The following TTN variants were observed in gnomAD, a reference collection of about 807,000 sequenced individuals.
TTN encodes the protein titin.
TTN carries 1,525 observed loss-of-function variants against 3,223.0 expected under a neutral mutation model. The observed-to-expected ratio is 0.47, with a 90% confidence interval of 0.45 to 0.49. The LOEUF is 0.49. Among genes scored for constraint, TTN ranks in the 20% least tolerant of loss-of-function variants. The pLI is 0.00. For synonymous variants in TTN, 14,094 were observed against 15,161.0 expected (o/e 0.93, Z 5.17); for missense variants, 40,786 against 43,424.0 (o/e 0.94, Z 5.40).
At chr2:178,802,108 C>T in intron 3 of TTN, 30 bp downstream of exon 3, 4 of 1,613,576 alleles carry the variant, frequency 2.5e-6, no homozygotes, top group Non-Finnish European at 3.4e-6. Context: ...TCTGGGGGAG[C>T]AGAGGATTGG....
At chr2:178,704,082 G>A (rs902359200) in intron 106 of TTN, 65 bp downstream of exon 106, 1 of 1,562,746 alleles carries the variant, frequency 6.4e-7, no homozygotes, top group African/African-American at 1.3e-5. Context: ...GGTTGCAGGG[G>A]TCCTGCACAA....
rs1202031815 is a variant in TTN at position 178,532,954 on chromosome 2, T to C, written c.103661A>G (p.Glu34554Gly). ...GAACTGCTTGATGCGTTGGTCTTCT[T>C]CTATGGTAGTCTGCTTATACTTGCG... ...EPRKYKQTTI[E>G]EDQRIKQFVP... The change falls in exon 358 of 363, where the codon GAA becomes GGA. Residue 34554 changes from glutamate (E) to glycine (G), a missense_variant. Physicochemically the swap from Glu to Gly is moderately conservative, Grantham distance 98. Transcript: ENST00000589042. 6.2e-7 allele frequency: 1 copy of C among 1,613,794 alleles called. No homozygotes were observed. The highest frequency in any genetic ancestry group is 1.3e-5 in the African/African-American group (1 of 74,900).
intron 316 of TTN, 49 bp from the exon 317 acceptor site, chr2:178,580,658 G>A (rs1336467072): frequency 6.5e-7 from 1 of 1,535,528 alleles, no homozygotes; most frequent in African/African-American, 1.4e-5. Flanking sequence ...ATAGTCAAAT[G>A]TATTTCCAGG....
intron 308 of TTN, among the ~76,000 whole-genome samples, chr2:178,586,043 T>C (rs1289261068): frequency 2.0e-5 from 3 of 152,132 alleles, no homozygotes; most frequent in African/African-American, 7.2e-5. Context: ...GTTGAACTAA[T>C]TTACACTCCC....
intron 294 of TTN, 41 bp downstream of exon 294, chr2:178,597,497 G>T (rs770972387): frequency 1.3e-6 from 2 of 1,574,396 alleles, no homozygotes; most frequent in East Asian, 2.3e-5. Context: ...TAATAAGAAT[G>T]TTGGTTTAAA....
rs1306264861 is a variant in TTN, at chr2:178,581,533, A to C, written c.66735T>G (p.Asp22245Glu). The C allele has an allele frequency of 4.4e-6, 7 of 1,607,332 alleles. No homozygotes were observed. Among genetic ancestry groups the C allele is most frequent in the Non-Finnish European group, 6.0e-6 (7 of 1,175,086 alleles). The change falls in exon 316 of 363, where the codon GAT (aspartate) becomes GAG (glutamate). Residue 22245 changes from aspartate to glutamate, a missense_variant. Transcript: ENST00000589042. ...CCTTGGGATAGTGTTTATCTGGCAC[A>C]TCACTGGGGTCACTGTATCCAATCT... The part of the protein sequence containing the change: ...VNKIGYSDPS[D>E]VPDKHYPKDI...
chr2:178,596,552 C>T (rs1267753141), intron 294 of TTN, among the ~76,000 whole-genome samples: 3 of 151,956 alleles, frequency 2.0e-5, no homozygotes, highest in Non-Finnish European at 4.4e-5. Flanking sequence ...GCATAGGAGG[C>T]CCCAAATTTC....
chr2:178,534,784 T>C lies in TTN; in HGVS notation c.101831A>G (p.Asn33944Ser), dbSNP rs2154136201. Residue 33944 changes from asparagine to serine, a missense_variant, in exon 358 of 363, where the codon AAT (asparagine) becomes AGT (serine). Transcript: ENST00000589042. ...NIGHFDIRPE[N>S]IIYQTRRSST... Reference sequence around the variant, plus strand: ...GCTTCTTCTGGTTTGGTAAATGATATTTTCTGGTCTAATGTCAAAGTGTCC... The same window carrying C: ...GCTTCTTCTGGTTTGGTAAATGATACTTTCTGGTCTAATGTCAAAGTGTCC... 2.5e-6 allele frequency: 4 copies of C among 1,612,910 alleles called. No homozygotes were observed. The Admixed American group carries it at 5.0e-5, about 20-fold the overall frequency.
rs770101398 is a variant in TTN at position 178,543,288 on chromosome 2, C to T, written c.96685G>A (p.Asp32229Asn). Reference sequence around the variant, plus strand: ...TATCCAGTGAGTCGGCTACCACCATCGTAGAGTGGTTTTTCCCAGGCAAGG... The same window carrying T: ...TATCCAGTGAGTCGGCTACCACCATTGTAGAGTGGTTTTTCCCAGGCAAGG... ...VTLAWEKPLYDGGSRLTGYVL... is the reference protein window; with the variant it reads ...VTLAWEKPLYNGGSRLTGYVL... Residue 32229 changes from aspartate (D) to asparagine (N), a missense_variant, in exon 347 of 363, where the codon GAT becomes AAT. Asp to Asn is a conservative substitution (Grantham distance 23). Transcript: ENST00000589042. 9.9e-6 allele frequency: 16 copies of T among 1,613,818 alleles called. No individual in the cohort carries two copies. Among genetic ancestry groups the T allele is most frequent in the South Asian group, 2.2e-5 (2 of 91,082 alleles).
rs777904209 is a variant in TTN, at chr2:178,585,082, A to C, written c.64662T>G (p.Val21554=). The C allele has an allele frequency of 6.2e-7, 1 of 1,605,078 alleles. No homozygotes were observed. The part of the protein sequence containing the change: ...SSGTDTQKIK[V]VVMDAPGPPQ... ...TAATACTTAACTTACCCATGACTACAACTTTGATTTTCTGAGTGTCTGTCC... is the reference window on the plus strand; with the variant it reads ...TAATACTTAACTTACCCATGACTACCACTTTGATTTTCTGAGTGTCTGTCC... Residue 21554 remains valine, a synonymous_variant, in exon 309 of 363, where the codon GTT becomes GTG. Transcript: ENST00000589042.
rs1445636202 is a variant in TTN, at chr2:178,616,736, A to G, written c.48153T>C (p.Asn16051=). 1.2e-6 allele frequency: 2 copies of G among 1,612,598 alleles called. No individual in the cohort carries two copies. Among genetic ancestry groups the G allele is most frequent in the South Asian group, 2.2e-5 (2 of 91,016 alleles). ...VKTISGEIDV[N]VIARPSAPKE... ...AAATGTTTTGTTCCTTACCAATTAC[A>G]TTGACATCAATTTCCCCAGAAATTG... The change falls in exon 256 of 363, where the codon AAT becomes AAC. Residue 16051 remains asparagine (N), a synonymous_variant. Coordinates refer to ENST00000589042, the MANE Select transcript of TTN (RefSeq NM_001267550.2).
intron 47 of TTN, chr2:178,751,398 T>C (rs755755194): frequency 6.2e-7 from 1 of 1,608,324 alleles, no homozygotes; most frequent in South Asian, 1.1e-5. Flanking sequence ...ATGTAATCTG[T>C]TTTCTTGGCA....
At position 178,732,094 on chromosome 2, in the gene TTN, G is replaced by T. The variant is rs794729612; in HGVS notation, c.16875C>A (p.Asp5625Glu). Residue 5625 changes from aspartate (D) to glutamate (E), a missense_variant, in exon 57 of 363, where the codon GAC becomes GAA. Physicochemically the swap from Asp to Glu is conservative, Grantham distance 45. Coordinates refer to ENST00000589042, the MANE Select transcript of TTN (RefSeq NM_001267550.2). ...TGACTATTACAATGCTACTGCAGTG[G>T]TCACTGCCAGCCTCATTTTGGGCCT... ...MCEAQNEAGS[D>E]HCSSIVIVKE... 6.2e-7 allele frequency: 1 copy of T among 1,611,864 alleles called. No individual in the cohort carries two copies. The highest frequency in any genetic ancestry group is 1.3e-5 in the African/African-American group (1 of 75,004).
chr2:178,651,421 G>T (rs376818881), intron 207 of TTN, 32 bp downstream of exon 207: 3 of 1,602,238 alleles, frequency 1.9e-6, no homozygotes, highest in Admixed American at 1.7e-5. Context: ...GGCTCCATCC[G>T]CCCCCATCAA....
At position 178,549,837 on chromosome 2, in the gene TTN, A is replaced by G. The variant is rs1231209607; in HGVS notation, c.91885T>C (p.Phe30629Leu). The change falls in exon 338 of 363, where the codon TTC (phenylalanine) becomes CTC (leucine). Residue 30629 changes from phenylalanine (F) to leucine (L), a missense_variant. Phe to Leu is a conservative substitution (Grantham distance 22). Transcript: ENST00000589042. Reference protein sequence around the residue: ...TPGKVVGPIRFTNITGEKMTL... With the variant: ...TPGKVVGPIRLTNITGEKMTL... ...ATCTTCTCCCCAGTAATATTGGTGA[A>G]TCTTATTGGCCCAACTACTTTTCCT... The G allele has an allele frequency of 6.3e-6, 10 of 1,588,984 alleles. No individual in the cohort carries two copies. The highest frequency in any genetic ancestry group is 1.7e-4 in the Middle Eastern group (1 of 5,936).
At position 178,705,161 on chromosome 2, in the gene TTN, TGAAGGAGCA is replaced by T; in HGVS notation, c.29604+4_29604+12del. The stretch of plus-strand genomic sequence containing the variant: ...GACTTTTTTAGCATGATGCTATATA[TGAAGGAGCA>T]TACCAGTCTATGTGTCTCTTCTTCT... On this transcript the variant is annotated splice_donor_5th_base_variant and intron_variant, in intron 103 of 362. Transcript: ENST00000589042. 6.2e-7 allele frequency: 1 copy of T among 1,608,920 alleles called. No homozygotes were observed. The highest frequency in any genetic ancestry group is 1.1e-5 in the South Asian group (1 of 89,552).
rs980065902 is a variant in TTN at position 178,779,340 on chromosome 2, A to G, written c.3852T>C (p.Ser1284=). 1.9e-6 allele frequency: 3 copies of G among 1,613,118 alleles called. No individual in the cohort carries two copies. The highest frequency in any genetic ancestry group is 2.2e-5 in the East Asian group (1 of 44,800). The change falls in exon 23 of 363, where the codon TCT becomes TCC. Residue 1284 remains serine, a synonymous_variant. Transcript: ENST00000589042. Reference sequence around the variant, plus strand: ...ATCCTGATTCAACAGCTTCAGATTCAGAAATGTCAACTGCCATCTTTTCTT... The same window carrying G: ...ATCCTGATTCAACAGCTTCAGATTCGGAAATGTCAACTGCCATCTTTTCTT... The part of the protein sequence containing the change: ...DGEEKMAVDI[S]ESEAVESGFD...
Position 178,590,752 on chromosome 2 carries a change from T to C in TTN, c.60973A>G (p.Ile20325Val), listed in dbSNP as rs372353944. ...GKWVRVNKTP[I>V]ADLKFRVTGL... The stretch of plus-strand genomic sequence containing the variant: ...GTCACTCTGAACTTCAGGTCAGCGA[T>C]AGGTGTTTTGTTGACCCTCACCCAT... The change falls in exon 304 of 363, where the codon ATC (isoleucine) becomes GTC (valine). Residue 20325 changes from isoleucine to valine, a missense_variant. Ile to Val is a conservative substitution (Grantham distance 29). Coordinates refer to ENST00000589042, the MANE Select transcript of TTN (RefSeq NM_001267550.2). The C allele has an allele frequency of 6.2e-7, 1 of 1,610,340 alleles. No homozygotes were observed. Among genetic ancestry groups the C allele is most frequent in the Non-Finnish European group, 8.5e-7 (1 of 1,177,416 alleles).
At position 178,732,571 on chromosome 2, in the gene TTN, T is replaced by C. The variant is rs946624122; in HGVS notation, c.16490A>G (p.Tyr5497Cys). ...NKELVSGGSC[Y>C]ITKEALESSL... Reference sequence around the variant, plus strand: ...ACTCTCTAAAGCTTCTTTGGTAATATAGCAGCTTCCACCAGAAACCAGCTC... The same window carrying C: ...ACTCTCTAAAGCTTCTTTGGTAATACAGCAGCTTCCACCAGAAACCAGCTC... Residue 5497 changes from tyrosine to cysteine, a missense_variant, in exon 56 of 363, where the codon TAT becomes TGT. Coordinates refer to ENST00000589042, the MANE Select transcript of TTN (RefSeq NM_001267550.2). 7 of 1,613,678 alleles carry C rather than the reference T, an allele frequency of 4.3e-6. No individual in the cohort carries two copies. The highest frequency in any genetic ancestry group is 2.2e-5 in the East Asian group (1 of 44,814).
Sources: allele counts gnomAD v4.1 joint callset (sites outside exome capture counted in the v4.1 genomes callset), GRCh38; gene constraint gnomAD v4.1.1; transcripts MANE v1.5; gene names NCBI Gene and HGNC (gene_info 2026-07-23, HGNC 2026-07-21).